CFAP58: variants seen among roughly 807,000 people sequenced by gnomAD.
CFAP58 encodes the protein cilia and flagella associated protein 58.
A neutral mutation model predicts 119.5 loss-of-function variants in CFAP58; 88 were observed. The observed-to-expected ratio is 0.74, with a 90% confidence interval of 0.62 to 0.88. The LOEUF is 0.88. Among genes scored for constraint, CFAP58 ranks in the 40% least tolerant of loss-of-function variants. The pLI is 0.00. For synonymous variants in CFAP58, 365 were observed against 366.3 expected (o/e 1.00, Z 0.04); for missense variants, 990 against 1,021.2 (o/e 0.97, Z 0.42).
intron 15 of CFAP58, among the ~76,000 whole-genome samples, chr10:104,439,120 T>G (rs1194316448): frequency 6.6e-6 from 1 of 152,164 alleles, no homozygotes; most frequent in Non-Finnish European, 1.5e-5. Flanking sequence ...ATAATGGGTT[T>G]CAGAATGGTG....
At chr10:104,427,556 G>A (rs1045301236) in intron 15 of CFAP58, among the ~76,000 whole-genome samples, 1 of 152,120 alleles carries the variant, frequency 6.6e-6, no homozygotes, top group Admixed American at 6.5e-5. Context: ...CCTACCCACA[G>A]CACCTCATTT....
At chr10:104,362,827 A>C (rs1423147955) in intron 3 of CFAP58, among the ~76,000 whole-genome samples, 1 of 152,192 alleles carries the variant, frequency 6.6e-6, no homozygotes, top group Non-Finnish European at 1.5e-5. Flanking sequence ...AAACACTTTC[A>C]ATAGCTACCC....
intron 12 of CFAP58, 49 bp downstream of exon 12, chr10:104,399,549 T>A (rs746968876): frequency 6.3e-7 from 1 of 1,585,326 alleles, no homozygotes; most frequent in Non-Finnish European, 8.6e-7. Context: ...CAGACACGGG[T>A]ATTTAATTCC....
intron 12 of CFAP58, 45 bp downstream of exon 12, chr10:104,399,545 C>G: frequency 6.3e-7 from 1 of 1,595,804 alleles, no homozygotes; most frequent in Non-Finnish European, 8.6e-7. Flanking sequence ...TCAACAGACA[C>G]GGGTATTTAA....
intron 5 of CFAP58, among the ~76,000 whole-genome samples, chr10:104,367,019 T>C (rs2014759784): frequency 1.3e-5 from 2 of 152,042 alleles, no homozygotes; most frequent in South Asian, 4.2e-4. Flanking sequence ...CCACCATGCC[T>C]GGCTAATTTT....
At chr10:104,447,102 A>G (rs2133097671) in intron 15 of CFAP58, among the ~76,000 whole-genome samples, 1 of 150,038 alleles carries the variant, frequency 6.7e-6, no homozygotes, top group South Asian at 2.1e-4. Flanking sequence ...TGATCTTCTC[A>G]CCTCAGCCTC....
chr10:104,437,077 C>G (rs1191715900), intron 15 of CFAP58, among the ~76,000 whole-genome samples: 1 of 152,214 alleles, frequency 6.6e-6, no homozygotes, highest in African/African-American at 2.4e-5. Flanking sequence ...AATCTTGGCT[C>G]TAACACTTTC....
Position 104,368,514 on chromosome 10 carries a change from G to C in CFAP58, c.884G>C (p.Cys295Ser). Residue 295 changes from cysteine (C) to serine (S), a missense_variant, in exon 6 of 18, where the codon TGT becomes TCT. Cys to Ser is a moderately radical substitution (Grantham distance 112). Coordinates refer to ENST00000369704, the MANE Select transcript of CFAP58 (RefSeq NM_001008723.2). ...QQENEQHSLV[C>S]EQLSQENQQK... is the part of the protein sequence containing the mutation. ...GAGAATGAACAGCACAGTTTGGTCTGTGAGCAGCTATCCCAGGAAAACCAA... is the reference window on the plus strand; with the variant it reads ...GAGAATGAACAGCACAGTTTGGTCTCTGAGCAGCTATCCCAGGAAAACCAA... 1.9e-6 allele frequency: 3 copies of C among 1,614,018 alleles called. No homozygotes were observed. In the South Asian group the frequency reaches 3.3e-5, roughly 18 times the overall value.
chr10:104,398,996 A>G (rs917630567), intron 11 of CFAP58, among the ~76,000 whole-genome samples: 3 of 152,132 alleles, frequency 2.0e-5, no homozygotes, highest in African/African-American at 7.2e-5. Flanking sequence ...CCTCACCCCC[A>G]CATCCTGCTC....
At position 104,427,007 on chromosome 10, in the gene CFAP58, A is replaced by G. The variant is rs959221563; in HGVS notation, c.2256+20214A>G. ...GTTTTTAGAAACTTGAGAGGTTAACAGCAGAGTGAATGGCCAAGAAGCCAC... is the reference window on the plus strand; with the variant it reads ...GTTTTTAGAAACTTGAGAGGTTAACGGCAGAGTGAATGGCCAAGAAGCCAC... On this transcript the variant is annotated intron_variant, in intron 15 of 17. Coordinates refer to ENST00000369704, the MANE Select transcript of CFAP58 (RefSeq NM_001008723.2). Among the ~76,000 whole-genome samples the G allele has an allele frequency of 7.2e-5, 11 of 152,364 alleles. No homozygotes were observed. In the South Asian group the frequency reaches 1.9e-3, roughly 26 times the overall value.
chr10:104,362,088 G>A lies in CFAP58; in HGVS notation c.357G>A (p.Thr119=), dbSNP rs535940421. The A allele has an allele frequency of 3.7e-6, 6 of 1,614,110 alleles. No individual in the cohort carries two copies. The African/African-American group carries it at 4.0e-5, about 11-fold the overall frequency. The change falls in exon 3 of 18, where the codon ACG becomes ACA. Residue 119 remains threonine (T), a synonymous_variant. Transcript: ENST00000369704. ...AYDKEQKAKE[T]ILALKEEIVN... ...ACAAAGAGCAGAAGGCCAAGGAGAC[G>A]ATTCTTGCTCTGAAAGAGGAAATAG...
chr10:104,377,024 T>A, intron 8 of CFAP58, 131 bp downstream of exon 8: 1 of 624,534 alleles, frequency 1.6e-6, no homozygotes. Flanking sequence ...TAATAGTGCT[T>A]AATTTTCCTC....
At chr10:104,405,469 TAG>T (rs1359139405) in intron 14 of CFAP58, among the ~76,000 whole-genome samples, 1 of 152,198 alleles carries the variant, frequency 6.6e-6, no homozygotes, top group Non-Finnish European at 1.5e-5. Flanking sequence ...AATTAGAAAA[TAG>T]AGACTCTGGG....
At chr10:104,350,076 T>C (rs1306214165), upstream of CFAP58, among the ~76,000 whole-genome samples, 1 of 152,202 alleles carries the variant, frequency 6.6e-6, no homozygotes, top group Admixed American at 6.5e-5. Context: ...CTCGGACTGT[T>C]GTCAGAAAAT....
chr10:104,420,778 C>T (rs1242460287), intron 15 of CFAP58, among the ~76,000 whole-genome samples: 10 of 132,128 alleles, frequency 7.6e-5, no homozygotes, highest in African/African-American at 2.3e-4. Context: ...TTTGAGACAG[C>T]GTCTCACTCT....
At chr10:104,355,607 A>G (rs1036981238) in intron 1 of CFAP58, among the ~76,000 whole-genome samples, 1 of 152,168 alleles carries the variant, frequency 6.6e-6, no homozygotes, top group Non-Finnish European at 1.5e-5. Context: ...ATATTCCCAG[A>G]ACTTAGGACA....
chr10:104,365,793 T>C (rs1176664855), intron 4 of CFAP58, 21 bp from the exon 5 acceptor site: 2 of 1,592,056 alleles, frequency 1.3e-6, no homozygotes, highest in African/African-American at 1.4e-5. Flanking sequence ...CTTTCTCTCT[T>C]GTCCTTTCCG....
rs1012235935 is a variant in CFAP58, at chr10:104,382,247, C to T, written c.1365+2027C>T. The T allele has an allele frequency of 5.6e-6, 4 of 713,858 alleles. No homozygotes were observed. In the African/African-American group the frequency reaches 7.0e-5, roughly 12 times the overall value. 44.2% of individuals were successfully genotyped at this position (713,858 alleles called of 1,614,324 possible). On this transcript the variant is annotated intron_variant, in intron 9 of 17. Coordinates refer to ENST00000369704, the MANE Select transcript of CFAP58 (RefSeq NM_001008723.2). The stretch of plus-strand genomic sequence containing the variant: ...GCACAGATCCTACCCACTCATATTC[C>T]ACCGGCCAACCAAGTCACAGGGCTG...
chr10:104,380,556 C>G (rs2011771407), intron 9 of CFAP58, among the ~76,000 whole-genome samples: 1 of 152,118 alleles, frequency 6.6e-6, no homozygotes, highest in African/African-American at 2.4e-5. Context: ...ACTCTCCAGT[C>G]TCCGCACCCA....
Sources: allele counts gnomAD v4.1 joint callset (sites outside exome capture counted in the v4.1 genomes callset), GRCh38; gene constraint gnomAD v4.1.1; transcripts MANE v1.5; gene names NCBI Gene and HGNC (gene_info 2026-07-23, HGNC 2026-07-21).